RMDN1: variants seen among roughly 807,000 people sequenced by gnomAD.
RMDN1 encodes the protein regulator of microtubule dynamics 1.
RMDN1 carries 48 observed loss-of-function variants against 48.9 expected under a neutral mutation model. The ratio of observed to expected loss-of-function variants is 0.98; its 90% confidence interval spans 0.78 to 1.25. The LOEUF is 1.25. RMDN1 is among the 50% of genes most tolerant of loss of function. The pLI is 0.00. For synonymous variants in RMDN1, 148 were observed against 132.6 expected, an observed-to-expected ratio of 1.12 and a Z score of -0.80; for missense variants, 418 against 373.4, an observed-to-expected ratio of 1.12 and a Z score of -0.98.
chr8:86,505,212 G>T, intron 2 of RMDN1: 1 of 696,712 alleles, frequency 1.4e-6, no homozygotes, highest in Non-Finnish European at 2.3e-6. Context: ...GCACCTCAAG[G>T]CTGGGGTTTG....
In RMDN1 at chr8:86,473,846, A is replaced by G. The variant is rs1812916632; in HGVS notation, c.*462T>C. On this transcript the variant is annotated 3_prime_UTR_variant, in exon 10 of 10. Transcript: ENST00000406452. The stretch of plus-strand genomic sequence containing the variant: ...TACTTACACAGGTTAGCTCCAAGAT[A>G]TATCATTTAACTACTTTATGTCAGG... 5 of 987,804 alleles carry G rather than the reference A, an allele frequency of 5.1e-6. No homozygotes were observed. Among genetic ancestry groups the G allele is most frequent in the Non-Finnish European group, 4.8e-6 (4 of 831,610 alleles). The allele number at this position is 987,804 out of a possible 1,614,324, so 61.2% of individuals were successfully genotyped here. A position where few individuals can be genotyped will look rare whatever the true frequency, so the allele number is the denominator to read the frequency against.
chr8:86,508,797 G>C (rs1022545466), upstream of RMDN1: 14 of 1,243,708 alleles, frequency 1.1e-5, no homozygotes, highest in African/African-American at 3.2e-5. Context: ...CACGGGCTTA[G>C]GGGGTGGGAA....
At chr8:86,475,672 T>A (rs1414001205) in intron 8 of RMDN1, among the ~76,000 whole-genome samples, 1 of 152,160 alleles carries the variant, frequency 6.6e-6, no homozygotes, top group African/African-American at 2.4e-5. Flanking sequence ...CTTCACAAAG[T>A]GTCCCCCTAA....
chr8:86,498,051 G>A (rs1817655327), intron 2 of RMDN1, among the ~76,000 whole-genome samples: 1 of 152,192 alleles, frequency 6.6e-6, no homozygotes, highest in African/African-American at 2.4e-5. Context: ...AGCCGAGATC[G>A]TGCCATTGCA....
Position 86,473,113 on chromosome 8 carries a change from C to CT in RMDN1, c.*1194dup. ...AACCTATATAGCAAAATCACTGAAT[C>CT]TAAGAGATGGGTATACAAAGATCAC... is the stretch of plus-strand genomic sequence containing the variant. On this transcript the variant is annotated 3_prime_UTR_variant, in exon 10 of 10. Transcript: ENST00000406452. The CT allele has an allele frequency of 1.0e-6, 1 of 985,200 alleles. No homozygotes were observed. Among genetic ancestry groups the CT allele is most frequent in the Non-Finnish European group, 1.2e-6 (1 of 829,742 alleles). 61.0% of individuals were successfully genotyped at this position (985,200 alleles called of 1,614,324 possible).
At chr8:86,472,175 T>A (rs926353950), downstream of RMDN1, among the ~76,000 whole-genome samples, 1 of 152,194 alleles carries the variant, frequency 6.6e-6, no homozygotes, top group African/African-American at 2.4e-5. Flanking sequence ...TTTAGAAATG[T>A]ATGTGTCTAT....
chr8:86,503,999 A>G, intron 2 of RMDN1: 1 of 776,852 alleles, frequency 1.3e-6, no homozygotes, highest in Non-Finnish European at 2.4e-6. Context: ...ATGCCCATGT[A>G]CATTGGAGAG....
upstream of RMDN1, among the ~76,000 whole-genome samples, chr8:86,512,779 T>C (rs35154764): frequency 0.042 from 6,467 of 152,250 alleles, 194 homozygotes; most frequent in African/African-American, 0.071. Flanking sequence ...ATTTTAAAAA[T>C]GTTTAATTTG....
rs1486159238 is a variant in RMDN1, at chr8:86,478,981, T to C, written c.671A>G (p.Tyr224Cys). 3 of 1,613,888 alleles carry C rather than the reference T, an allele frequency of 1.9e-6. No homozygotes were observed. The highest frequency in any genetic ancestry group is 8.5e-7 in the Non-Finnish European group (1 of 1,179,888). The change falls in exon 7 of 10, where the codon TAT (tyrosine) becomes TGT (cysteine). Residue 224 changes from tyrosine (Y) to cysteine (C), a missense_variant. By Grantham distance (194) the Tyr-to-Cys change is radical (BLOSUM62 -2). Transcript: ENST00000406452. ...WCYTFAEMPW[Y>C]QRRIAKMLFA... ...CAGCATTTTAGCAATTCTTCTTTGA[T>C]ACCAAGGCATTTCGGCAAATGTATA...
chr8:86,507,059 C>T lies in RMDN1; in HGVS notation c.183G>A (p.Ser61=), dbSNP rs140564162. 3.0e-5 allele frequency: 48 copies of T among 1,613,358 alleles called. No individual in the cohort carries two copies. The highest frequency in any genetic ancestry group is 1.3e-4 in the East Asian group (6 of 44,876). ...CCTGGTAAGTTTCAAAACCCAAATACGACAAAGCTGAGAGTAAAAGGCCTC... is the reference window on the plus strand; with the variant it reads ...CCTGGTAAGTTTCAAAACCCAAATATGACAAAGCTGAGAGTAAAAGGCCTC... The part of the protein sequence containing the change: ...FKRGLLLSAL[S]YLGFETYQVI... Residue 61 remains serine (S), a synonymous_variant, in exon 2 of 10, where the codon TCG becomes TCA. Transcript: ENST00000406452.
chr8:86,474,066 G>A lies in RMDN1; in HGVS notation c.*242C>T, dbSNP rs920389982. ...AATCTCATACCATTTTGCATTGCTGGTATCCAGGATGCAAAATAATCTCTT... is the reference window on the plus strand; with the variant it reads ...AATCTCATACCATTTTGCATTGCTGATATCCAGGATGCAAAATAATCTCTT... On this transcript the variant is annotated 3_prime_UTR_variant, in exon 10 of 10. Coordinates refer to ENST00000406452, the MANE Select transcript of RMDN1 (RefSeq NM_016033.3). The A allele has an allele frequency of 8.1e-7, 1 of 1,227,774 alleles. No individual in the cohort carries two copies. Among genetic ancestry groups the A allele is most frequent in the Non-Finnish European group, 1.0e-6 (1 of 981,506 alleles). 76.1% of individuals were successfully genotyped at this position (1,227,774 alleles called of 1,614,324 possible). A position where few individuals can be genotyped will look rare whatever the true frequency, so the allele number is the denominator to read the frequency against.
At chr8:86,507,303 C>G (rs193241980) in intron 1 of RMDN1, among the ~76,000 whole-genome samples, 191 bp from the exon 2 acceptor site, 1 of 152,146 alleles carries the variant, frequency 6.6e-6, no homozygotes, top group East Asian at 1.9e-4. Flanking sequence ...AAAGATATCC[C>G]CTGGAGTCGC....
chr8:86,503,371 C>CAAAAAAAAAAAAAAAAAAAA (rs1182231210), intron 2 of RMDN1, among the ~76,000 whole-genome samples: 9 of 67,966 alleles, frequency 1.3e-4, no homozygotes, highest in Non-Finnish European at 2.0e-4. Context: ...CAAAACAAAA[C>CAAAAAAAAAAAAAAAAAAAA]AAAAAAAAAA....
downstream of RMDN1, among the ~76,000 whole-genome samples, chr8:86,471,954 T>C (rs1201915808): frequency 6.6e-6 from 1 of 152,238 alleles, no homozygotes; most frequent in African/African-American, 2.4e-5. Flanking sequence ...GTATAATCTT[T>C]GGATCCTGAT....
intron 7 of RMDN1, chr8:86,478,316 A>T (rs1270231465): frequency 6.6e-6 from 1 of 152,202 alleles, no homozygotes; most frequent in African/African-American, 2.4e-5. Flanking sequence ...CCCAGAAAGA[A>T]AAAAAAGCTC....
intron 2 of RMDN1, among the ~76,000 whole-genome samples, chr8:86,496,226 A>C (rs1586725961): frequency 6.6e-6 from 1 of 152,228 alleles, no homozygotes; most frequent in African/African-American, 2.4e-5. Flanking sequence ...GACACTGTAA[A>C]GCAACTATAC....
At chr8:86,475,768 TTTAC>T (rs1295944768) in intron 8 of RMDN1, among the ~76,000 whole-genome samples, 4 of 152,204 alleles carry the variant, frequency 2.6e-5, no homozygotes, top group Non-Finnish European at 5.9e-5. Context: ...CCAAAATTGT[TTTAC>T]TTCTTTTATT....
At chr8:86,494,961 G>A (rs147686352) in intron 2 of RMDN1, 24 of 426,448 alleles carry the variant, frequency 5.6e-5, no homozygotes, top group African/African-American at 2.7e-4. Flanking sequence ...GTGACACAGC[G>A]AGACTCTGTC....
chr8:86,485,035 ATTC>A lies in RMDN1; in HGVS notation c.496-77_496-75del, dbSNP rs1419724471. On this transcript the variant is annotated intron_variant, in intron 4 of 9. Transcript: ENST00000406452. ...TCAATACAAGGTAAAACTGTATAAT[ATTC>A]TTCAATAGTCATTCTCATCCAACAA... is the stretch of plus-strand genomic sequence containing the variant. 20 of 786,380 alleles carry A rather than the reference ATTC, an allele frequency of 2.5e-5. No homozygotes were observed. The African/African-American group carries it at 3.4e-4, about 13-fold the overall frequency. The allele number at this position is 786,380 out of a possible 1,614,324, so 48.7% of individuals were successfully genotyped here.
Sources: allele counts gnomAD v4.1 joint callset (sites outside exome capture counted in the v4.1 genomes callset), GRCh38; gene constraint gnomAD v4.1.1; transcripts MANE v1.5; gene names NCBI Gene and HGNC (gene_info 2026-07-23, HGNC 2026-07-21).